IL1RAPL2: variants seen among roughly 807,000 people sequenced by gnomAD.
IL1RAPL2 encodes the protein X-linked interleukin-1 receptor accessory protein-like 2.
In IL1RAPL2, 3 loss-of-function variants were observed where a neutral mutation model predicts 44.1. That is an observed-to-expected ratio of 0.07 (90% confidence interval 0.03 to 0.18). The LOEUF (loss-of-function observed/expected upper bound fraction) is 0.18. Ranked by LOEUF, IL1RAPL2 falls within the 10% of genes least tolerant of loss-of-function variation. The probability of loss-of-function intolerance (pLI) is 1.00; values close to 1 mark genes in which losing one functional copy is unlikely to be tolerated. For synonymous variants in IL1RAPL2, 181 were observed against 178.8 expected (o/e 1.01, Z -0.10); for missense variants, 391 against 496.4 (o/e 0.79, Z 2.02).
At chrX:105,144,265 C>T (rs1206852513) in intron 2 of IL1RAPL2, among the ~76,000 whole-genome samples, 2 of 110,432 alleles carry the variant, frequency 1.8e-5, no homozygotes, top group African/African-American at 6.6e-5. Context: ...CTTACTAACA[C>T]CAATACTTCA....
At chrX:105,328,244 G>A (rs2034956324) in intron 5 of IL1RAPL2, among the ~76,000 whole-genome samples, 1 of 111,626 alleles carries the variant, frequency 9.0e-6, no homozygotes, top group Non-Finnish European at 1.9e-5. Flanking sequence ...ACATTGCCTT[G>A]TACCCTCCAA....
intron 2 of IL1RAPL2, among the ~76,000 whole-genome samples, chrX:104,958,171 G>A (rs755996780): frequency 9.0e-6 from 1 of 111,293 alleles, no homozygotes; most frequent in Non-Finnish European, 1.9e-5. Context: ...AAGGATCTTG[G>A]CTTTTCATTT....
intron 2 of IL1RAPL2, among the ~76,000 whole-genome samples, chrX:104,791,402 G>A (rs962002734): frequency 1.8e-5 from 2 of 111,693 alleles, no homozygotes; most frequent in African/African-American, 6.5e-5. Flanking sequence ...GTTCCTAAAT[G>A]AGCAGAACAG....
intron 2 of IL1RAPL2, among the ~76,000 whole-genome samples, chrX:105,080,418 A>C (rs184339835): frequency 8.9e-6 from 1 of 111,778 alleles, no homozygotes; most frequent in Non-Finnish European, 1.9e-5. Flanking sequence ...AAAGAGTCCA[A>C]TGTTGGTTTT....
chrX:104,912,673 C>T (rs373430940), intron 2 of IL1RAPL2, among the ~76,000 whole-genome samples: 4 of 111,624 alleles, frequency 3.6e-5, no homozygotes, highest in African/African-American at 1.3e-4. Flanking sequence ...TAAGGCCAAG[C>T]ATGCTGAGCT....
At chrX:104,675,278 C>G (rs1930722220) in intron 2 of IL1RAPL2, among the ~76,000 whole-genome samples, 1 of 111,349 alleles carries the variant, frequency 9.0e-6, no homozygotes, top group African/African-American at 3.3e-5. Flanking sequence ...AAATGCGTCC[C>G]AGAGATTCTG....
At chrX:104,591,675 G>A in intron 1 of IL1RAPL2, among the ~76,000 whole-genome samples, 1 of 106,043 alleles carries the variant, frequency 9.4e-6, no homozygotes, top group Non-Finnish European at 1.9e-5. Context: ...AATGATGTTA[G>A]GACCTATATT....
chrX:104,990,055 G>A (rs1432091915), intron 2 of IL1RAPL2, among the ~76,000 whole-genome samples: 1 of 111,651 alleles, frequency 9.0e-6, no homozygotes, highest in African/African-American at 3.3e-5. Flanking sequence ...ACTATCGTTT[G>A]TGTTACCCTC....
Position 104,805,531 on chromosome X carries a change from A to G in IL1RAPL2, c.82+146536A>G, listed in dbSNP as rs768830401. Among the ~76,000 whole-genome samples, 12 of 111,410 alleles carry G rather than the reference A, an allele frequency of 1.1e-4. No individual in the cohort carries two copies. In the East Asian group the frequency reaches 3.4e-3, roughly 32 times the overall value. On this transcript the variant is annotated intron_variant, in intron 2 of 10. Transcript: ENST00000372582. ...TAGTGGAAAGAGTACTGGACTTGGAATCAGAATTAAAACTGTCCTGGGCTT... is the reference window on the plus strand; with the variant it reads ...TAGTGGAAAGAGTACTGGACTTGGAGTCAGAATTAAAACTGTCCTGGGCTT...
chrX:105,312,926 A>G (rs1026297306), intron 5 of IL1RAPL2, among the ~76,000 whole-genome samples: 7 of 112,080 alleles, frequency 6.2e-5, no homozygotes, highest in African/African-American at 2.3e-4. Flanking sequence ...TATGCCCAAG[A>G]TATTTTTCAT....
In IL1RAPL2 at chrX:105,671,112, A is replaced by G. The variant is rs149622020; in HGVS notation, c.773-46255A>G. On this transcript the variant is annotated intron_variant, in intron 6 of 10. Transcript: ENST00000372582. Reference sequence around the variant, plus strand: ...CAGGCACCCACCACCACGCCCTGCTAATTTTTGTATTTTTAGTAGAGATGG... The same window carrying G: ...CAGGCACCCACCACCACGCCCTGCTGATTTTTGTATTTTTAGTAGAGATGG... Among the ~76,000 whole-genome samples, 221 of 109,559 alleles carry G rather than the reference A, an allele frequency of 2.0e-3. 4 individuals are homozygous for G. The Middle Eastern group carries it at 0.043, about 21-fold the overall frequency.
chrX:105,749,313 T>C (rs991783261), intron 9 of IL1RAPL2, among the ~76,000 whole-genome samples: 7 of 112,170 alleles, frequency 6.2e-5, no homozygotes, highest in Non-Finnish European at 1.1e-4. Context: ...GAGTAAATGC[T>C]ATGTATGTTT....
chrX:104,660,812 G>T (rs1404722409), intron 2 of IL1RAPL2, among the ~76,000 whole-genome samples: 2 of 108,107 alleles, frequency 1.9e-5, no homozygotes. Context: ...GTGCACACCT[G>T]TAGTCCTAGC....
intron 2 of IL1RAPL2, among the ~76,000 whole-genome samples, chrX:104,753,026 AC>A (rs1932286421): frequency 9.1e-6 from 1 of 109,532 alleles, no homozygotes; most frequent in Non-Finnish European, 1.9e-5. Flanking sequence ...AGATGCTTTT[AC>A]TCTATCATTC....
intron 4 of IL1RAPL2, among the ~76,000 whole-genome samples, chrX:105,240,814 T>A (rs1478449189): frequency 8.9e-6 from 1 of 112,329 alleles, no homozygotes; most frequent in Non-Finnish European, 1.9e-5. Flanking sequence ...CATTAAAATA[T>A]AACCTAAAGA....
Position 104,721,769 on chromosome X carries a change from A to G in IL1RAPL2, c.82+62774A>G, listed in dbSNP as rs777105620. Among the ~76,000 whole-genome samples, 8 of 111,849 alleles carry G rather than the reference A, an allele frequency of 7.2e-5. No homozygotes were observed. In the South Asian group the frequency reaches 3.0e-3, roughly 41 times the overall value. ...AACATAGAACTGTGTAATTTAACAA[A>G]TACCTTTCTTTAAGACTCAAAAACT... On this transcript the variant is annotated intron_variant, in intron 2 of 10. Coordinates refer to ENST00000372582, the MANE Select transcript of IL1RAPL2 (RefSeq NM_017416.2).
intron 2 of IL1RAPL2, among the ~76,000 whole-genome samples, chrX:105,005,344 TA>T (rs1436535067): frequency 1.8e-5 from 2 of 111,357 alleles, no homozygotes; most frequent in Non-Finnish European, 3.8e-5. Flanking sequence ...GACCACTTAA[TA>T]ACTTGATTGC....
chrX:104,593,986 T>A (rs745314462), intron 1 of IL1RAPL2, among the ~76,000 whole-genome samples: 14 of 112,497 alleles, frequency 1.2e-4, no homozygotes, highest in Non-Finnish European at 2.6e-4. Context: ...ACATATTTAT[T>A]TCTTATCTGT....
intron 6 of IL1RAPL2, among the ~76,000 whole-genome samples, chrX:105,657,107 C>T (rs1431738665): frequency 5.4e-5 from 6 of 111,682 alleles, no homozygotes; most frequent in Admixed American, 1.9e-4. Flanking sequence ...TACATACACA[C>T]GCATGAACAC....
Sources: gnomAD v4.1 joint callset for allele counts (sites outside exome capture counted in the v4.1 genomes callset) on GRCh38, gnomAD v4.1.1 for gene constraint, MANE v1.5 for transcripts, NCBI Gene and HGNC (gene_info 2026-07-23, HGNC 2026-07-21) for gene names.